Variants in PRDM6 observed in about 807,000 individuals in gnomAD.
PRDM6 encodes the protein putative histone-lysine N-methyltransferase PRDM6.
A neutral mutation model predicts 60.8 loss-of-function variants in PRDM6; 25 were observed. That is an observed-to-expected ratio of 0.41 (90% CI 0.30 to 0.57). PRDM6 has a LOEUF of 0.57. Ranked by LOEUF, PRDM6 falls within the 20% of genes least tolerant of loss-of-function variation. The pLI is 0.27. For synonymous variants in PRDM6, 407 were observed against 357.4 expected (o/e 1.14, Z -1.57); for missense variants, 839 against 821.3 (o/e 1.02, Z -0.26).
At chr5:123,111,695 AAC>A in intron 3 of PRDM6, among the ~76,000 whole-genome samples, 1 of 105,066 alleles carries the variant, frequency 9.5e-6, no homozygotes, top group African/African-American at 3.0e-5. Flanking sequence ...GAGAAAACAA[AAC>A]AAAACAAAAC....
At chr5:123,166,130 G>A (rs987988995) in intron 5 of PRDM6, among the ~76,000 whole-genome samples, 2 of 152,138 alleles carry the variant, frequency 1.3e-5, no homozygotes, top group Admixed American at 1.3e-4. Context: ...ACAGGCATTG[G>A]CAATTGTGCT....
intron 3 of PRDM6, among the ~76,000 whole-genome samples, chr5:123,107,663 A>G (rs373964518): frequency 6.6e-6 from 1 of 152,248 alleles, no homozygotes; most frequent in Admixed American, 6.5e-5. Context: ...TGGGACTTGT[A>G]AAATAATAAC....
At chr5:123,162,121 A>G (rs1765646646) in intron 5 of PRDM6, among the ~76,000 whole-genome samples, 1 of 152,218 alleles carries the variant, frequency 6.6e-6, no homozygotes, top group South Asian at 2.1e-4. Context: ...ACCACTTACT[A>G]AGCTCTGAGC....
Position 123,188,255 on chromosome 5 carries a change from C to G in PRDM6, c.*1054C>G, listed in dbSNP as rs1040362239. ...GTCTACAAACACAAGTGAAAATAGC[C>G]CAGACAAGGAGACTTTGAGAGGAGG... On this transcript the variant is annotated 3_prime_UTR_variant, in exon 8 of 8. Coordinates refer to ENST00000407847, the MANE Select transcript of PRDM6 (RefSeq NM_001136239.4). 2.6e-5 allele frequency: 4 copies of G among 152,114 alleles called. No homozygotes were observed. Among genetic ancestry groups the G allele is most frequent in the African/African-American group, 9.7e-5 (4 of 41,408 alleles). 9.4% of individuals were successfully genotyped at this position (152,114 alleles called of 1,614,324 possible).
chr5:123,181,840 G>C (rs1396565826), intron 7 of PRDM6, among the ~76,000 whole-genome samples: 1 of 152,118 alleles, frequency 6.6e-6, no homozygotes, highest in Non-Finnish European at 1.5e-5. Flanking sequence ...TCTCTGGTCT[G>C]GGTCCTGCCT....
At position 123,159,591 on chromosome 5, in the gene PRDM6, C is replaced by T. The variant is rs759655260; in HGVS notation, c.1106C>T (p.Thr369Met). 8 of 1,551,326 alleles carry T rather than the reference C, an allele frequency of 5.2e-6. No homozygotes were observed. Among genetic ancestry groups the T allele is most frequent in the Admixed American group, 2.0e-5 (1 of 50,968 alleles). The part of the protein sequence containing the change: ...ELLVWYNDSY[T>M]SFFGIPLQCI... ...CTGGTGTGGTACAATGACAGCTATACGTCTTTCTTTGGGATCCCCTTACAA... is the reference window on the plus strand; with the variant it reads ...CTGGTGTGGTACAATGACAGCTATATGTCTTTCTTTGGGATCCCCTTACAA... Residue 369 changes from threonine (T) to methionine (M), a missense_variant, in exon 5 of 8, where the codon ACG becomes ATG. Physicochemically the swap from Thr to Met is moderately conservative, Grantham distance 81. Coordinates refer to ENST00000407847, the MANE Select transcript of PRDM6 (RefSeq NM_001136239.4).
intron 3 of PRDM6, among the ~76,000 whole-genome samples, chr5:123,138,787 AATGTC>A (rs1765030280): frequency 1.3e-5 from 2 of 152,184 alleles, no homozygotes; most frequent in South Asian, 4.2e-4. Flanking sequence ...AGCTATTGGA[AATGTC>A]ACCTGGTCTA....
chr5:123,110,383 C>T (rs1046775643), intron 3 of PRDM6, among the ~76,000 whole-genome samples: 86 of 150,836 alleles, frequency 5.7e-4, no homozygotes, highest in African/African-American at 2.0e-3. Context: ...CTCAGCCTCC[C>T]GAGTAGCTGG....
chr5:123,118,549 C>T (rs1035425574), intron 3 of PRDM6, among the ~76,000 whole-genome samples: 1 of 152,236 alleles, frequency 6.6e-6, no homozygotes, highest in Non-Finnish European at 1.5e-5. Context: ...CTCTCCCCTT[C>T]ATTTGGGCTG....
At chr5:123,118,429 T>C (rs1764506347) in intron 3 of PRDM6, among the ~76,000 whole-genome samples, 1 of 152,202 alleles carries the variant, frequency 6.6e-6, no homozygotes, top group South Asian at 2.1e-4. Context: ...AACTACAACA[T>C]AATCTTTAGG....
chr5:123,107,129 CT>C (rs1764213976), intron 3 of PRDM6, among the ~76,000 whole-genome samples: 2 of 152,280 alleles, frequency 1.3e-5, no homozygotes, highest in South Asian at 2.1e-4. Flanking sequence ...TTGAATTGTA[CT>C]TTTGGGGGAG....
intron 3 of PRDM6, among the ~76,000 whole-genome samples, chr5:123,140,954 T>A (rs914208602): frequency 6.6e-6 from 1 of 152,106 alleles, no homozygotes; most frequent in South Asian, 2.1e-4. Flanking sequence ...GAACCTCAGA[T>A]TCTAAGTTAA....
chr5:123,094,026 G>C (rs558570125), intron 2 of PRDM6, among the ~76,000 whole-genome samples: 4 of 152,050 alleles, frequency 2.6e-5, no homozygotes, highest in Non-Finnish European at 5.9e-5. Flanking sequence ...GAACAGGCTG[G>C]AAACAGCGCC....
intron 4 of PRDM6, among the ~76,000 whole-genome samples, chr5:123,159,311 G>A (rs528647654): frequency 2.6e-5 from 4 of 152,124 alleles, no homozygotes; most frequent in Non-Finnish European, 5.9e-5. Context: ...GAGGGTCATT[G>A]TGGAAATAAA....
intron 3 of PRDM6, among the ~76,000 whole-genome samples, chr5:123,130,049 CCCTTCTCTTTCCTTT>C (rs1371796979): frequency 7.0e-6 from 1 of 142,706 alleles, no homozygotes; most frequent in Non-Finnish European, 1.5e-5. Flanking sequence ...TCCTTTCCTT[CCCTTCTCTTTCCTTT>C]CCTTCCCTTC....
At chr5:123,122,408 CT>C (rs1430876556) in intron 3 of PRDM6, among the ~76,000 whole-genome samples, 2 of 152,054 alleles carry the variant, frequency 1.3e-5, no homozygotes, top group Non-Finnish European at 2.9e-5. Context: ...GTTTATTTAT[CT>C]TGTGAATGTA....
At chr5:123,112,534 GTTC>G (rs780368572) in intron 3 of PRDM6, among the ~76,000 whole-genome samples, 20 of 152,270 alleles carry the variant, frequency 1.3e-4, no homozygotes, top group East Asian at 7.7e-4. Context: ...GAGCTCACCT[GTTC>G]TTCTTGTTTC....
Position 123,099,942 on chromosome 5 carries a change from A to G in PRDM6, c.881A>G (p.Asn294Ser). The G allele has an allele frequency of 1.3e-6, 2 of 1,528,418 alleles. No individual in the cohort carries two copies. Among genetic ancestry groups the G allele is most frequent in the Admixed American group, 2.0e-5 (1 of 49,880 alleles). The allele number at this position is 1,528,418 out of a possible 1,614,324, so 94.7% of individuals were successfully genotyped here. The change falls in exon 3 of 8, where the codon AAC becomes AGC. Residue 294 changes from asparagine to serine, a missense_variant. This residue lies in a region of PRDM6 where 730 missense variants were observed against 648.8 expected (regional missense o/e 1.13). Transcript: ENST00000407847. This position sits in a 1 kb window ranked among gnomAD's most constrained non-coding sequence, Gnocchi z 4.0. Reference sequence around the variant, plus strand: ...AAGGTGCAGGCAGGCGCCGTGAGGAACACGCAGCATCTCTGGGAGGTAAGT... The same window carrying G: ...AAGGTGCAGGCAGGCGCCGTGAGGAGCACGCAGCATCTCTGGGAGGTAAGT... The part of the protein sequence containing the change: ...PEKVQAGAVR[N>S]TQHLWEIYDQ...
rs772128786 is a variant in PRDM6 at position 123,090,093 on chromosome 5, T to C, written c.79T>C (p.Phe27Leu). The change falls in exon 2 of 8, where the codon TTC becomes CTC. Residue 27 changes from phenylalanine (F) to leucine (L), a missense_variant. Physicochemically the swap from Phe to Leu is conservative, Grantham distance 22. Coordinates refer to ENST00000407847, the MANE Select transcript of PRDM6 (RefSeq NM_001136239.4). ...PAYLQHWQQL[F>L]PHGGAGPLKG... ...CTACCTGCAGCACTGGCAGCAACTC[T>C]TCCCTCACGGAGGCGCAGGCCCGCT... 7 of 1,546,148 alleles carry C rather than the reference T, an allele frequency of 4.5e-6. No homozygotes were observed. The East Asian group carries it at 1.2e-4, about 27-fold the overall frequency.
Sources: allele counts gnomAD v4.1 joint callset (sites outside exome capture counted in the v4.1 genomes callset), GRCh38; gene constraint gnomAD v4.1.1; regional missense constraint gnomAD v4.1.1; non-coding constraint Gnocchi (gnomAD v3.1); transcripts MANE v1.5; gene names NCBI Gene and HGNC (gene_info 2026-07-23, HGNC 2026-07-21).